ARMH3: variants seen among roughly 807,000 people sequenced by gnomAD.
The protein encoded by ARMH3 is armadillo-like helical domain-containing protein 3.
ARMH3 carries 60 observed loss-of-function variants against 99.1 expected under a neutral mutation model. The observed-to-expected ratio is 0.61, with a 90% CI of 0.49 to 0.75. The LOEUF (loss-of-function observed/expected upper bound fraction) is 0.75. Ranked by LOEUF, ARMH3 falls within the 30% of genes least tolerant of loss-of-function variation. ARMH3 has a pLI of 0.00. For synonymous variants in ARMH3, 285 were observed against 292.8 expected, an observed-to-expected ratio of 0.97 and a Z score of 0.27; for missense variants, 679 against 843.1, an observed-to-expected ratio of 0.81 and a Z score of 2.41.
At position 101,881,414 on chromosome 10, in the gene ARMH3, C is replaced by T. The variant is rs571940520; in HGVS notation, c.1860+7998G>A. Among the ~76,000 whole-genome samples, 13 of 152,216 alleles carry T rather than the reference C, an allele frequency of 8.5e-5. No homozygotes were observed. In the East Asian group the frequency reaches 2.3e-3, roughly 27 times the overall value. On this transcript the variant is annotated intron_variant, in intron 24 of 25. Transcript: ENST00000370033. The stretch of plus-strand genomic sequence containing the variant: ...AGCAGGCTGGTGGTTACCAGGGCAG[C>T]TGAGGGTTGGGGGGAAGTTGTTCAA...
intron 23 of ARMH3, among the ~76,000 whole-genome samples, chr10:101,931,397 C>A (rs1843715940): frequency 1.3e-5 from 2 of 152,018 alleles, no homozygotes; most frequent in South Asian, 4.1e-4. Flanking sequence ...TGGTGGTGGG[C>A]ACCGATAATC....
chr10:101,951,853 G>C (rs1390422555), intron 22 of ARMH3, among the ~76,000 whole-genome samples: 1 of 146,970 alleles, frequency 6.8e-6, no homozygotes, highest in African/African-American at 2.5e-5. Context: ...GGGCCACAGA[G>C]CGAGACTCCG....
chr10:101,965,663 A>ATAT (rs1845499109), intron 20 of ARMH3, among the ~76,000 whole-genome samples: 1 of 152,208 alleles, frequency 6.6e-6, no homozygotes, highest in Non-Finnish European at 1.5e-5. Context: ...TACTGCAGTA[A>ATAT]AATATTTGAG....
At chr10:102,052,830 C>T (rs755879822) in intron 1 of ARMH3, among the ~76,000 whole-genome samples, 15 of 152,104 alleles carry the variant, frequency 9.9e-5, no homozygotes, top group Non-Finnish European at 2.1e-4. Flanking sequence ...CCAGGTCTCT[C>T]ACTTCCAGCT....
At chr10:101,922,492 T>C (rs1454949611) in intron 23 of ARMH3, among the ~76,000 whole-genome samples, 4 of 152,232 alleles carry the variant, frequency 2.6e-5, no homozygotes, top group Non-Finnish European at 2.9e-5. Flanking sequence ...GTTCAAGTGA[T>C]CCTCTTGCCT....
At chr10:101,878,946 T>C (rs1589954274) in intron 24 of ARMH3, among the ~76,000 whole-genome samples, 1 of 152,332 alleles carries the variant, frequency 6.6e-6, no homozygotes, top group Admixed American at 6.5e-5. Flanking sequence ...CTTCTCTCAT[T>C]TATAAAGTTA....
intron 23 of ARMH3, among the ~76,000 whole-genome samples, chr10:101,891,776 A>G (rs565645413): frequency 6.6e-6 from 1 of 152,284 alleles, no homozygotes; most frequent in Non-Finnish European, 1.5e-5. Flanking sequence ...TACTTTTTCT[A>G]TAAATCTAAA....
chr10:102,023,380 C>A, intron 8 of ARMH3, 97 bp downstream of exon 8: 1 of 1,096,128 alleles, frequency 9.1e-7, no homozygotes, highest in East Asian at 2.4e-5. Context: ...TACCATTTAC[C>A]AAGAACGTCT....
chr10:101,978,844 G>A (rs1846116555), intron 19 of ARMH3, among the ~76,000 whole-genome samples: 1 of 152,044 alleles, frequency 6.6e-6, no homozygotes, highest in African/African-American at 2.4e-5. Context: ...AGGAGGCTGA[G>A]GCAGAGAATT....
At chr10:102,029,928 GTTTT>G (rs965968395) in intron 4 of ARMH3, among the ~76,000 whole-genome samples, 183 bp from the exon 5 acceptor site, 11 of 142,224 alleles carry the variant, frequency 7.7e-5, no homozygotes, top group African/African-American at 2.8e-4. Flanking sequence ...TTGTTTGTTT[GTTTT>G]TTTTTTTGAG....
chr10:101,889,301 C>T, intron 24 of ARMH3, 111 bp downstream of exon 24: 1 of 1,038,858 alleles, frequency 9.6e-7, no homozygotes, highest in Non-Finnish European at 1.5e-6. Flanking sequence ...AGCAGCCTGG[C>T]CCTGGTCACT....
Position 101,939,950 on chromosome 10 carries a change from G to C in ARMH3, c.1706-12C>G, listed in dbSNP as rs773795247. On this transcript the variant is annotated splice_polypyrimidine_tract_variant and intron_variant, in intron 22 of 25. Transcript: ENST00000370033. The stretch of plus-strand genomic sequence containing the variant: ...AGAAAGCCTCAGGACTGCAAAGAAG[G>C]AAAGAACACAGATCTGTCAAACCCC... 3.1e-6 allele frequency: 5 copies of C among 1,612,408 alleles called. No individual in the cohort carries two copies. Among genetic ancestry groups the C allele is most frequent in the Non-Finnish European group, 4.2e-6 (5 of 1,179,336 alleles).
intron 23 of ARMH3, among the ~76,000 whole-genome samples, chr10:101,896,157 G>A (rs1267745280): frequency 2.0e-5 from 3 of 152,194 alleles, no homozygotes; most frequent in Non-Finnish European, 4.4e-5. Flanking sequence ...CTTGAGCCTA[G>A]GAGGCCGAGG....
chr10:101,863,988 T>C (rs1272753623), intron 24 of ARMH3, among the ~76,000 whole-genome samples: 6 of 141,806 alleles, frequency 4.2e-5, no homozygotes, highest in African/African-American at 1.6e-4. Context: ...TTGAACCCAG[T>C]AGGCAGAGGC....
At chr10:101,881,831 T>C (rs535684038) in intron 24 of ARMH3, among the ~76,000 whole-genome samples, 3 of 152,350 alleles carry the variant, frequency 2.0e-5, no homozygotes, top group African/African-American at 7.2e-5. Flanking sequence ...TTTCAGATCC[T>C]GGTTTTGAGT....
At chr10:102,003,505 T>G (rs1344650621) in intron 14 of ARMH3, among the ~76,000 whole-genome samples, 1 of 152,146 alleles carries the variant, frequency 6.6e-6, no homozygotes, top group East Asian at 1.9e-4. Context: ...TCTAAGACTT[T>G]AAATTAGACT....
intron 23 of ARMH3, among the ~76,000 whole-genome samples, chr10:101,935,584 G>A (rs1221781881): frequency 1.3e-5 from 2 of 152,158 alleles, no homozygotes; most frequent in Non-Finnish European, 1.5e-5. Flanking sequence ...CAGATGCACT[G>A]CATTCCAGAT....
intron 22 of ARMH3, among the ~76,000 whole-genome samples, chr10:101,948,173 C>T (rs1037127515): frequency 5.9e-5 from 9 of 152,124 alleles, no homozygotes; most frequent in South Asian, 2.1e-4. Flanking sequence ...ATAATAAACA[C>T]GACCCAACTG....
chr10:101,968,823 G>C (rs1006014847), intron 20 of ARMH3, among the ~76,000 whole-genome samples: 14 of 152,142 alleles, frequency 9.2e-5, no homozygotes, highest in African/African-American at 3.4e-4. Context: ...TTCCTTTTTA[G>C]TCCTTGGGCT....
Sources: gnomAD v4.1 joint callset for allele counts (sites outside exome capture counted in the v4.1 genomes callset) on GRCh38, gnomAD v4.1.1 for gene constraint, MANE v1.5 for transcripts, NCBI Gene and HGNC (gene_info 2026-07-23, HGNC 2026-07-21) for gene names.